The following ADRA1A variants were observed in gnomAD, a reference collection of about 807,000 sequenced individuals.
ADRA1A encodes alpha-1A adrenergic receptor.
Under a neutral mutation model 29.6 loss-of-function variants are expected in ADRA1A, and 31 were observed. That is an observed-to-expected ratio of 1.05 (90% CI 0.79 to 1.41). The LOEUF is 1.41. Ranked by LOEUF, ADRA1A falls within the 40% of genes most tolerant of loss-of-function variation. The probability of loss-of-function intolerance (pLI) is 0.00; values close to 1 mark genes in which losing one functional copy is unlikely to be tolerated. For missense variants in ADRA1A, 619 were observed against 601.1 expected (o/e 1.03, Z -0.31); for synonymous variants, 311 against 254.3 (o/e 1.22, Z -2.12).
At position 26,787,620 on chromosome 8, in the gene ADRA1A, T is replaced by A. The variant is rs911749666; in HGVS notation, c.884-16954A>T. ...AAGGAGAGATGATAACAGAAATAGT[T>A]ACCATCTCGTGTGCTGCATAAAAAT... On this transcript the variant is annotated intron_variant, in intron 2 of 2. Transcript: ENST00000380573. The surrounding 1 kb of genome is among the most constrained non-coding windows in gnomAD (Gnocchi z 4.2). Among the ~76,000 whole-genome samples, 13 of 151,888 alleles carry A rather than the reference T, an allele frequency of 8.6e-5. No homozygotes were observed. The highest frequency in any genetic ancestry group is 1.9e-4 in the Non-Finnish European group (13 of 67,986).
At chr8:26,862,036 T>C (rs374171654) in intron 2 of ADRA1A, among the ~76,000 whole-genome samples, 3 of 152,254 alleles carry the variant, frequency 2.0e-5, no homozygotes, top group African/African-American at 7.2e-5. Flanking sequence ...CTTGAATGAC[T>C]TCCCACCACA....
chr8:26,810,867 C>A (rs1240630837), intron 2 of ADRA1A, among the ~76,000 whole-genome samples: 1 of 152,034 alleles, frequency 6.6e-6, no homozygotes, highest in Non-Finnish European at 1.5e-5. Flanking sequence ...GCCCTAATTT[C>A]AACTATGATT....
chr8:26,859,323 A>ACTTCT, intron 2 of ADRA1A: 1 of 577,080 alleles, frequency 1.7e-6, no homozygotes, highest in Non-Finnish European at 2.7e-6. Flanking sequence ...CAGCAGAAGT[A>ACTTCT]GTGCCATCTT....
At chr8:26,862,800 G>T (rs181009301) in intron 2 of ADRA1A, among the ~76,000 whole-genome samples, 12 of 152,374 alleles carry the variant, frequency 7.9e-5, no homozygotes, top group Non-Finnish European at 1.8e-4. Flanking sequence ...CACTTGAGAT[G>T]TGGTCAGTGG....
intron 2 of ADRA1A, among the ~76,000 whole-genome samples, chr8:26,839,776 G>A (rs780608464): frequency 3.3e-5 from 5 of 152,168 alleles, no homozygotes; most frequent in African/African-American, 7.2e-5. Flanking sequence ...CTAGAAAATA[G>A]GAGCAGGTCT....
At position 26,831,963 on chromosome 8, in the gene ADRA1A, C is replaced by T. The variant is rs1221193826; in HGVS notation, c.883+32124G>A. On this transcript the variant is annotated intron_variant, in intron 2 of 2. Coordinates refer to ENST00000380573, the MANE Select transcript of ADRA1A (RefSeq NM_000680.4). The surrounding 1 kb of genome is among the most constrained non-coding windows in gnomAD (Gnocchi z 5.2). ...TGTGGTTTGTAGGCTGGAGTGGGGA[C>T]AGAGGCCTGCTGGTCTCACCCCACA... Among the ~76,000 whole-genome samples the T allele has an allele frequency of 6.6e-6, 1 of 152,174 alleles. No homozygotes were observed. The highest frequency in any genetic ancestry group is 1.5e-5 in the Non-Finnish European group (1 of 68,028).
At chr8:26,824,037 C>G (rs1810370117) in intron 2 of ADRA1A, among the ~76,000 whole-genome samples, 1 of 152,028 alleles carries the variant, frequency 6.6e-6, no homozygotes, top group Non-Finnish European at 1.5e-5. Context: ...CTTGCTCAGC[C>G]CCCACACCTG....
intron 2 of ADRA1A, among the ~76,000 whole-genome samples, chr8:26,842,909 CA>C (rs1554509972): frequency 8.2e-6 from 1 of 122,688 alleles, no homozygotes; most frequent in Non-Finnish European, 1.8e-5. Flanking sequence ...ACACACACAC[CA>C]CTCAAGGATT....
In ADRA1A at chr8:26,857,261, C is replaced by T. The variant is rs995099462; in HGVS notation, c.883+6826G>A. 9.2e-5 allele frequency among the ~76,000 whole-genome samples: 14 copies of T among 152,044 alleles called. 1 individual carries two copies. The highest frequency in any genetic ancestry group is 2.6e-4 in the Admixed American group (4 of 15,256). On this transcript the variant is annotated intron_variant, in intron 2 of 2. Coordinates refer to ENST00000380573, the MANE Select transcript of ADRA1A (RefSeq NM_000680.4). ...AATTGCCAGGCAAGCTGGGTGCTGACGTACTTTTGACCATAGAATCATGAG... is the reference window on the plus strand; with the variant it reads ...AATTGCCAGGCAAGCTGGGTGCTGATGTACTTTTGACCATAGAATCATGAG...
intron 2 of ADRA1A, among the ~76,000 whole-genome samples, chr8:26,786,273 C>T (rs1012441245): frequency 6.6e-6 from 1 of 151,636 alleles, no homozygotes; most frequent in African/African-American, 2.4e-5. Flanking sequence ...CTCACTCTCT[C>T]ACCCAGGCTG....
intron 2 of ADRA1A, among the ~76,000 whole-genome samples, chr8:26,758,859 T>A (rs1317763695): frequency 6.6e-6 from 1 of 152,246 alleles, no homozygotes; most frequent in Non-Finnish European, 1.5e-5. Context: ...CTTACTTGCC[T>A]CTTCTCATAC....
At chr8:26,858,127 G>T (rs1813182403) in intron 2 of ADRA1A, among the ~76,000 whole-genome samples, 1 of 152,144 alleles carries the variant, frequency 6.6e-6, no homozygotes, top group Non-Finnish European at 1.5e-5. Flanking sequence ...GCTGCCTCCT[G>T]TTCTTTTATA....
Position 26,770,074 on chromosome 8 carries a change from G to A in ADRA1A, c.*75C>T. ...TGATTGGTCCTGTCTTGTCCTCCAA[G>A]AAGAGCTGGCCTTCCGAGAAGGAAG... On this transcript the variant is annotated 3_prime_UTR_variant, in exon 3 of 3. Coordinates refer to ENST00000380573, the MANE Select transcript of ADRA1A (RefSeq NM_000680.4). The A allele has an allele frequency of 1.3e-6, 2 of 1,513,008 alleles. No homozygotes were observed. Among genetic ancestry groups the A allele is most frequent in the East Asian group, 2.3e-5 (1 of 44,004 alleles). The allele number at this position is 1,513,008 out of a possible 1,614,324, so 93.7% of individuals were successfully genotyped here.
At chr8:26,754,746 G>A (rs1390398564), downstream of ADRA1A, among the ~76,000 whole-genome samples, 1 of 152,108 alleles carries the variant, frequency 6.6e-6, no homozygotes, top group East Asian at 1.9e-4. Context: ...GTTTTCCTTA[G>A]CCCCAGCAAG....
At chr8:26,859,139 C>G (rs1454702198) in intron 2 of ADRA1A, 1 of 1,289,944 alleles carries the variant, frequency 7.8e-7, no homozygotes, top group Admixed American at 2.3e-5. Flanking sequence ...TTTCCTCTCC[C>G]GCAGCCTAGT....
intron 2 of ADRA1A, among the ~76,000 whole-genome samples, chr8:26,750,115 G>A (rs1804858736): frequency 6.6e-6 from 1 of 152,214 alleles, no homozygotes; most frequent in African/African-American, 2.4e-5. Flanking sequence ...ATCTGGTAAA[G>A]GCCTGTTTTC....
At chr8:26,761,199 A>G (rs1805487477), downstream of ADRA1A, among the ~76,000 whole-genome samples, 1 of 152,256 alleles carries the variant, frequency 6.6e-6, no homozygotes, top group South Asian at 2.1e-4. Context: ...ACAACAGAGT[A>G]CAGAATTAGT....
At chr8:26,801,149 T>A (rs541008798) in intron 2 of ADRA1A, among the ~76,000 whole-genome samples, 62 of 152,250 alleles carry the variant, frequency 4.1e-4, no homozygotes, top group Admixed American at 2.7e-3. Context: ...AAGCCATATA[T>A]GACAGACCCA....
chr8:26,786,392 A>G (rs923270492), intron 2 of ADRA1A, among the ~76,000 whole-genome samples: 4 of 151,694 alleles, frequency 2.6e-5, no homozygotes, highest in African/African-American at 9.7e-5. Context: ...ACGCTACTAT[A>G]GCCCAGTTAA....
Sources: gnomAD v4.1 joint callset for allele counts (sites outside exome capture counted in the v4.1 genomes callset) on GRCh38, gnomAD v4.1.1 for gene constraint, Gnocchi (gnomAD v3.1) non-coding constraint, MANE v1.5 for transcripts, NCBI Gene and HGNC (gene_info 2026-07-23, HGNC 2026-07-21) for gene names.